Variants in MCTP1 observed in about 807,000 individuals in gnomAD.
MCTP1 encodes the protein multiple C2 and transmembrane domain-containing protein 1.
A neutral mutation model predicts 120.6 loss-of-function variants in MCTP1; 69 were observed. The observed-to-expected ratio is 0.57, with a 90% confidence interval of 0.47 to 0.70. MCTP1 has a LOEUF of 0.70. MCTP1 is among the 30% of genes least tolerant of loss of function. MCTP1 has a pLI of 0.00. For synonymous variants in MCTP1, 529 were observed against 493.1 expected, an observed-to-expected ratio of 1.07 and a Z score of -0.96; for missense variants, 1,203 against 1,248.8, an observed-to-expected ratio of 0.96 and a Z score of 0.55.
intron 17 of MCTP1, among the ~76,000 whole-genome samples, chr5:94,802,598 A>G (rs1204238061): frequency 6.6e-6 from 1 of 152,134 alleles, no homozygotes; most frequent in Non-Finnish European, 1.5e-5. Flanking sequence ...GTGTCCTACT[A>G]GGGTAGTAAG....
chr5:95,124,099 G>A (rs1375640036), intron 1 of MCTP1, among the ~76,000 whole-genome samples: 1 of 152,178 alleles, frequency 6.6e-6, no homozygotes, highest in Admixed American at 6.5e-5. Flanking sequence ...ACCCAACCTG[G>A]AGCCTGAGAG....
intron 19 of MCTP1, among the ~76,000 whole-genome samples, chr5:94,726,327 G>A (rs1016499445): frequency 2.6e-5 from 4 of 152,200 alleles, no homozygotes; most frequent in Admixed American, 2.0e-4. Context: ...ATACTCATAA[G>A]ATGCATGCCT....
intron 1 of MCTP1, among the ~76,000 whole-genome samples, chr5:95,228,599 T>C (rs932680500): frequency 2.0e-5 from 3 of 152,040 alleles, no homozygotes; most frequent in Admixed American, 2.0e-4. Flanking sequence ...TAGTAGATAA[T>C]ATGGTTTGGA....
intron 2 of MCTP1, among the ~76,000 whole-genome samples, chr5:94,966,994 A>C (rs1825778536): frequency 6.6e-6 from 1 of 152,154 alleles, no homozygotes; most frequent in Non-Finnish European, 1.5e-5. Context: ...CTCGCACAAA[A>C]TCTGGCCTTA....
chr5:95,246,844 A>G (rs1394196205), intron 1 of MCTP1, among the ~76,000 whole-genome samples: 1 of 152,180 alleles, frequency 6.6e-6, no homozygotes, highest in Non-Finnish European at 1.5e-5. Context: ...ATATTGGCCT[A>G]AGATTCTCTT....
At chr5:95,160,733 T>TGTA (rs1554217801) in intron 1 of MCTP1, among the ~76,000 whole-genome samples, 4 of 151,478 alleles carry the variant, frequency 2.6e-5, no homozygotes, top group Non-Finnish European at 5.9e-5. Flanking sequence ...ACCCAAAATA[T>TGTA]AGGAACTCAA....
intron 12 of MCTP1, among the ~76,000 whole-genome samples, chr5:94,882,551 T>C (rs1330748606): frequency 7.0e-6 from 1 of 143,050 alleles, no homozygotes; most frequent in African/African-American, 2.5e-5. Context: ...ATTTTTTAAG[T>C]TTAATTTTAA....
chr5:95,058,157 T>C (rs1747929787), intron 1 of MCTP1, among the ~76,000 whole-genome samples: 2 of 152,220 alleles, frequency 1.3e-5, no homozygotes, highest in South Asian at 4.1e-4. Flanking sequence ...TCGTTGCTCT[T>C]AGTCTATTAA....
intron 1 of MCTP1, among the ~76,000 whole-genome samples, chr5:95,192,995 G>T (rs767227087): frequency 1.3e-4 from 20 of 152,216 alleles, no homozygotes; most frequent in Middle Eastern, 3.4e-3. Context: ...TTGTAACATT[G>T]CACCTGCCAT....
chr5:94,919,094 T>C (rs1317977797), intron 7 of MCTP1, among the ~76,000 whole-genome samples: 1 of 152,160 alleles, frequency 6.6e-6, no homozygotes. Context: ...TTAGGTGAAA[T>C]GTATCCTTGG....
chr5:95,141,504 A>G (rs1759927645), intron 1 of MCTP1, among the ~76,000 whole-genome samples: 1 of 152,226 alleles, frequency 6.6e-6, no homozygotes, highest in South Asian at 2.1e-4. Context: ...TGTGTGCAAC[A>G]ACATGAGAGT....
At chr5:95,180,903 C>T (rs1004928788) in intron 1 of MCTP1, among the ~76,000 whole-genome samples, 14 of 146,462 alleles carry the variant, frequency 9.6e-5, no homozygotes, top group Non-Finnish European at 1.5e-4. Flanking sequence ...TCTTTAATTC[C>T]TTTCTTTCCC....
intron 13 of MCTP1, 59 bp from the exon 14 acceptor site, chr5:94,871,476 A>G: frequency 8.1e-7 from 1 of 1,234,478 alleles, no homozygotes; most frequent in East Asian, 2.4e-5. Context: ...AACAACAAGA[A>G]TAGTTTTGAA....
At chr5:94,742,968 A>C (rs866047879) in intron 19 of MCTP1, among the ~76,000 whole-genome samples, 1 of 152,182 alleles carries the variant, frequency 6.6e-6, no homozygotes, top group African/African-American at 2.4e-5. Flanking sequence ...TCCTTAGGAT[A>C]CTATCTGATA....
chr5:95,031,204 T>G (rs1423902777), intron 1 of MCTP1, among the ~76,000 whole-genome samples: 1 of 151,982 alleles, frequency 6.6e-6, no homozygotes, highest in East Asian at 1.9e-4. Context: ...CTCAGAAAAC[T>G]TATTTCAGGG....
chr5:95,240,652 G>C (rs1379521789), intron 1 of MCTP1, among the ~76,000 whole-genome samples: 2 of 152,134 alleles, frequency 1.3e-5, no homozygotes, highest in African/African-American at 4.8e-5. Context: ...AAAATATTCA[G>C]CAAACATATC....
At chr5:94,725,576 G>T (rs1208250397) in intron 19 of MCTP1, among the ~76,000 whole-genome samples, 4 of 152,132 alleles carry the variant, frequency 2.6e-5, no homozygotes, top group Non-Finnish European at 5.9e-5. Flanking sequence ...ATATGTGTTT[G>T]AACATGGTTG....
intron 19 of MCTP1, among the ~76,000 whole-genome samples, chr5:94,776,818 C>T (rs1477986861): frequency 2.0e-5 from 3 of 152,182 alleles, no homozygotes; most frequent in Non-Finnish European, 2.9e-5. Flanking sequence ...CCTTCTTCCA[C>T]TCAGACACAC....
chr5:94,726,206 TG>T, intron 19 of MCTP1, among the ~76,000 whole-genome samples: 1 of 152,322 alleles, frequency 6.6e-6, no homozygotes, highest in East Asian at 1.9e-4. Flanking sequence ...CAGTTGTGTT[TG>T]TTCTCATCTG....
Sources: gnomAD v4.1 joint callset for allele counts (sites outside exome capture counted in the v4.1 genomes callset) on GRCh38, gnomAD v4.1.1 for gene constraint, MANE v1.5 for transcripts, NCBI Gene and HGNC (gene_info 2026-07-23, HGNC 2026-07-21) for gene names.